The following TPRG1 variants were observed in gnomAD, a reference collection of about 807,000 sequenced individuals.
TPRG1 encodes the protein tumor protein p63 regulated 1.
A neutral mutation model predicts 29.3 loss-of-function variants in TPRG1; 29 were observed. The ratio of observed to expected loss-of-function variants is 0.99; its 90% confidence interval spans 0.74 to 1.35. TPRG1 has a LOEUF of 1.35. TPRG1 is among the 40% of genes most tolerant of loss of function. The pLI is 0.00. For missense variants in TPRG1, 327 were observed against 335.0 expected (o/e 0.98, Z 0.19); for synonymous variants, 130 against 116.8 (o/e 1.11, Z -0.73).
intron 1 of TPRG1, among the ~76,000 whole-genome samples, chr3:189,122,711 T>G (rs1721972722): frequency 6.6e-6 from 1 of 152,234 alleles, no homozygotes; most frequent in Admixed American, 6.5e-5. Context: ...CCTGCTGCTA[T>G]TACTAATGAT....
intron 4 of TPRG1, among the ~76,000 whole-genome samples, chr3:189,026,430 A>G (rs897597953): frequency 6.6e-6 from 1 of 152,196 alleles, no homozygotes; most frequent in Non-Finnish European, 1.5e-5. Flanking sequence ...GGATTTTGAC[A>G]TATGAACTTT....
At chr3:189,011,663 A>G (rs966723183) in intron 3 of TPRG1, among the ~76,000 whole-genome samples, 44 of 152,292 alleles carry the variant, frequency 2.9e-4, no homozygotes, top group African/African-American at 1.0e-3. Flanking sequence ...CCATGAATCA[A>G]TCATCTCCCA....
chr3:189,175,984 C>T (rs1225755999), intron 1 of TPRG1, among the ~76,000 whole-genome samples: 1 of 152,158 alleles, frequency 6.6e-6, no homozygotes, highest in African/African-American at 2.4e-5. Context: ...TATCCTGACC[C>T]TGGATTCCTT....
At chr3:189,068,014 G>A (rs1716565776) in intron 4 of TPRG1, among the ~76,000 whole-genome samples, 2 of 152,136 alleles carry the variant, frequency 1.3e-5, no homozygotes, top group Admixed American at 6.6e-5. Flanking sequence ...CAAAAGATCT[G>A]AATAGACTTT....
At chr3:189,269,626 A>G (rs1173203891) in intron 4 of TPRG1, among the ~76,000 whole-genome samples, 4 of 152,190 alleles carry the variant, frequency 2.6e-5, no homozygotes, top group African/African-American at 9.7e-5. Context: ...CCTGTTAATT[A>G]TGATGTGTTT....
intron 3 of TPRG1, among the ~76,000 whole-genome samples, chr3:189,010,707 AT>A (rs1195701331): frequency 2.0e-5 from 3 of 152,106 alleles, no homozygotes; most frequent in African/African-American, 7.2e-5. Flanking sequence ...GATTTCAAAA[AT>A]TTGTCCCATT....
intron 3 of TPRG1, among the ~76,000 whole-genome samples, chr3:189,138,720 G>A (rs1220130292): frequency 6.6e-6 from 1 of 152,226 alleles, no homozygotes; most frequent in East Asian, 1.9e-4. Context: ...GGAATTAGAG[G>A]CTAAGGGGAG....
At chr3:189,278,270 T>C (rs1716498369) in intron 4 of TPRG1, among the ~76,000 whole-genome samples, 1 of 152,116 alleles carries the variant, frequency 6.6e-6, no homozygotes, top group Non-Finnish European at 1.5e-5. Context: ...GGTTATCAGG[T>C]GAATCTTCCC....
chr3:189,295,257 G>A (rs1195787727), intron 4 of TPRG1, among the ~76,000 whole-genome samples: 1 of 152,058 alleles, frequency 6.6e-6, no homozygotes, highest in Non-Finnish European at 1.5e-5. Flanking sequence ...TTTCCTAGTA[G>A]ACTGTGAGCA....
chr3:189,311,457 G>A lies in TPRG1; in HGVS notation c.633+918G>A, dbSNP rs150888408. Among the ~76,000 whole-genome samples, 1,290 of 152,162 alleles carry A rather than the reference G, an allele frequency of 8.5e-3. 21 individuals are homozygous for A. Among genetic ancestry groups the A allele is most frequent in the African/African-American group, 0.028 (1,159 of 41,496 alleles). The stretch of plus-strand genomic sequence containing the variant: ...TTTCTTGCATTAAACATACCTATTC[G>A]TGCAAGTGTAAATATATATGTATGT... On this transcript the variant is annotated intron_variant, in intron 5 of 5. Coordinates refer to ENST00000345063, the MANE Select transcript of TPRG1 (RefSeq NM_198485.4).
chr3:189,117,011 G>A (rs1721258077), intron 1 of TPRG1, among the ~76,000 whole-genome samples: 2 of 152,074 alleles, frequency 1.3e-5, no homozygotes, highest in Admixed American at 6.6e-5. Flanking sequence ...GTTAGACTTG[G>A]CTGTATCCCC....
intron 4 of TPRG1, among the ~76,000 whole-genome samples, chr3:189,299,330 A>C (rs1720463556): frequency 6.6e-6 from 1 of 152,276 alleles, no homozygotes; most frequent in Admixed American, 6.5e-5. Context: ...GAAAGCCTTC[A>C]ATATAGATGT....
chr3:189,034,585 TAG>T (rs1261198757), intron 4 of TPRG1, among the ~76,000 whole-genome samples: 1 of 152,158 alleles, frequency 6.6e-6, no homozygotes, highest in East Asian at 1.9e-4. Context: ...ATAGCTGAGC[TAG>T]AGAGTCTTTA....
chr3:189,055,107 T>C (rs1715578363), intron 4 of TPRG1, among the ~76,000 whole-genome samples: 1 of 152,216 alleles, frequency 6.6e-6, no homozygotes, highest in Non-Finnish European at 1.5e-5. Context: ...CCTGGCTAAA[T>C]TAAAAGTTTT....
At chr3:189,051,226 A>T (rs1390892144) in intron 4 of TPRG1, among the ~76,000 whole-genome samples, 1 of 152,162 alleles carries the variant, frequency 6.6e-6, no homozygotes, top group Non-Finnish European at 1.5e-5. Flanking sequence ...TGATAAAATA[A>T]TTCAGCAAAG....
intron 4 of TPRG1, among the ~76,000 whole-genome samples, chr3:189,067,887 C>T (rs895137925): frequency 4.6e-5 from 7 of 152,060 alleles, no homozygotes; most frequent in East Asian, 1.9e-4. Context: ...AGACAACCCA[C>T]GGAACAGGAG....
At chr3:189,075,351 T>G (rs1472399328) in intron 4 of TPRG1, among the ~76,000 whole-genome samples, 1 of 151,940 alleles carries the variant, frequency 6.6e-6, no homozygotes, top group African/African-American at 2.4e-5. Flanking sequence ...GCCAGGCTGT[T>G]CTCGAACTCC....
intron 3 of TPRG1, among the ~76,000 whole-genome samples, chr3:189,139,654 T>C (rs74378478): frequency 0.012 from 1,787 of 151,844 alleles, 42 homozygotes; most frequent in African/African-American, 0.042. Context: ...CTTGGCATTC[T>C]ATCAGCTGAA....
upstream of TPRG1, among the ~76,000 whole-genome samples, chr3:189,171,655 C>G (rs1361532037): frequency 6.6e-6 from 1 of 152,116 alleles, no homozygotes; most frequent in East Asian, 1.9e-4. Flanking sequence ...ATCAAGCCAT[C>G]ATAAAGAATA....
Sources: gnomAD v4.1 joint callset for allele counts (sites outside exome capture counted in the v4.1 genomes callset) on GRCh38, gnomAD v4.1.1 for gene constraint, MANE v1.5 for transcripts, NCBI Gene and HGNC (gene_info 2026-07-23, HGNC 2026-07-21) for gene names.